CNTLN: variants seen among roughly 807,000 people sequenced by gnomAD.
CNTLN encodes the protein centlein.
CNTLN carries 212 observed loss-of-function variants against 180.0 expected under a neutral mutation model. The ratio of observed to expected loss-of-function variants is 1.18; its 90% CI spans 1.05 to 1.32. The LOEUF is 1.32. CNTLN is among the 40% of genes most tolerant of loss of function. The pLI is 0.00. For synonymous variants in CNTLN, 722 were observed against 563.1 expected (o/e 1.28, Z -3.99); for missense variants, 2,095 against 1,610.9 (o/e 1.30, Z -5.14).
chr9:17,443,237 C>A (rs1025315439), intron 18 of CNTLN, among the ~76,000 whole-genome samples: 2 of 152,112 alleles, frequency 1.3e-5, no homozygotes, highest in African/African-American at 4.8e-5. Flanking sequence ...TCATTAGTTC[C>A]CATGCATTAT....
intron 5 of CNTLN, among the ~76,000 whole-genome samples, chr9:17,263,407 G>A (rs568787792): frequency 6.6e-6 from 1 of 151,154 alleles, no homozygotes; most frequent in East Asian, 1.9e-4. Context: ...ATTCCATGGT[G>A]TATATGTGCC....
At chr9:17,140,332 GC>G (rs1373218992) in intron 1 of CNTLN, among the ~76,000 whole-genome samples, 1 of 152,106 alleles carries the variant, frequency 6.6e-6, no homozygotes, top group African/African-American at 2.4e-5. Context: ...TTACTGTACA[GC>G]ATGGTGTTAT....
At chr9:17,258,261 C>G (rs998755865) in intron 5 of CNTLN, among the ~76,000 whole-genome samples, 1 of 146,152 alleles carries the variant, frequency 6.8e-6, no homozygotes, top group Non-Finnish European at 1.5e-5. Flanking sequence ...TTGTTTTTCT[C>G]AGGTTTGTCA....
At position 17,143,356 on chromosome 9, in the gene CNTLN, G is replaced by C; in HGVS notation, c.429G>C (p.Val143=). 1 of 1,613,364 alleles carries C rather than the reference G, an allele frequency of 6.2e-7. No individual in the cohort carries two copies. The highest frequency in any genetic ancestry group is 8.5e-7 in the Non-Finnish European group (1 of 1,179,578). Residue 143 remains valine (V), a synonymous_variant, in exon 2 of 26, where the codon GTG becomes GTC. Coordinates refer to ENST00000380647, the MANE Select transcript of CNTLN (RefSeq NM_017738.4). The part of the protein sequence containing the change: ...LQVTNPDLTQ[V]VSLVVEREKQ... ...TTACAAACCCAGATCTCACACAAGT[G>C]GTCAGTTTGGTTGTGGAAAGGTGAG...
intron 2 of CNTLN, among the ~76,000 whole-genome samples, chr9:17,154,476 A>G (rs1358258767): frequency 6.6e-6 from 1 of 152,208 alleles, no homozygotes; most frequent in African/African-American, 2.4e-5. Flanking sequence ...GAGGCTGCAG[A>G]GCAGCAAAGA....
At position 17,235,753 on chromosome 9, in the gene CNTLN, C is replaced by T. The variant is rs763146549; in HGVS notation, c.630C>T (p.Asp210=). ...ENAFLRKEFS[D]LEKKFKDKSQ... is the part of the protein sequence containing the mutation. ...CTTTCTTAAGGAAAGAATTCAGTGA[C>T]TTGGAGAAGAAATTTAAAGATAAAA... is the stretch of plus-strand genomic sequence containing the variant. Residue 210 remains aspartate, a synonymous_variant, in exon 4 of 26, where the codon GAC becomes GAT. Transcript: ENST00000380647. The T allele has an allele frequency of 1.9e-6, 3 of 1,602,676 alleles. No homozygotes were observed. The highest frequency in any genetic ancestry group is 2.7e-5 in the African/African-American group (2 of 73,906).
At chr9:17,445,685 G>A (rs969095540) in intron 18 of CNTLN, among the ~76,000 whole-genome samples, 9 of 152,174 alleles carry the variant, frequency 5.9e-5, no homozygotes, top group African/African-American at 1.9e-4. Context: ...GCCTAGGAAA[G>A]CCAGGTATTG....
chr9:17,495,426 T>C (rs1035431540), intron 25 of CNTLN, among the ~76,000 whole-genome samples: 3 of 152,104 alleles, frequency 2.0e-5, no homozygotes, highest in Admixed American at 2.0e-4. Context: ...GGGTAATGTG[T>C]GTGTTTGTGT....
intron 2 of CNTLN, among the ~76,000 whole-genome samples, chr9:17,176,317 C>A (rs1230359586): frequency 6.6e-6 from 1 of 151,696 alleles, no homozygotes; most frequent in Non-Finnish European, 1.5e-5. Flanking sequence ...GCATTTGATT[C>A]CATGAAATGC....
intron 8 of CNTLN, among the ~76,000 whole-genome samples, chr9:17,326,454 G>T (rs1429073955): frequency 6.6e-6 from 1 of 151,760 alleles, no homozygotes; most frequent in African/African-American, 2.4e-5. Flanking sequence ...CCCTTAAAAA[G>T]GTTAAAGATA....
intron 5 of CNTLN, among the ~76,000 whole-genome samples, chr9:17,246,587 A>G (rs1825807154): frequency 1.3e-5 from 2 of 152,140 alleles, no homozygotes; most frequent in Admixed American, 1.3e-4. Context: ...GGACTCCACA[A>G]TCAGCAATTC....
chr9:17,496,216 A>G (rs547342537), intron 25 of CNTLN, among the ~76,000 whole-genome samples: 37 of 152,296 alleles, frequency 2.4e-4, no homozygotes, highest in African/African-American at 8.2e-4. Context: ...ATCCTTCCCC[A>G]TCCCTTTATT....
rs185699052 is a variant in CNTLN at position 17,272,642 on chromosome 9, C to G, written c.850-1091C>G. Among the ~76,000 whole-genome samples the G allele has an allele frequency of 2.1e-3, 319 of 152,226 alleles. 1 individual carries two copies. The highest frequency in any genetic ancestry group is 7.3e-3 in the African/African-American group (302 of 41,548). ...TGAGATGAGCAGCTTTACCCAGATCCTATCTGTGGTGTGTTAAAAAATTTC... is the reference window on the plus strand; with the variant it reads ...TGAGATGAGCAGCTTTACCCAGATCGTATCTGTGGTGTGTTAAAAAATTTC... On this transcript the variant is annotated intron_variant, in intron 5 of 25. Coordinates refer to ENST00000380647, the MANE Select transcript of CNTLN (RefSeq NM_017738.4).
intron 12 of CNTLN, among the ~76,000 whole-genome samples, chr9:17,365,173 T>A (rs1823710082): frequency 6.6e-6 from 1 of 152,176 alleles, no homozygotes; most frequent in Admixed American, 6.5e-5. Context: ...GACTTGATCA[T>A]GTGGGCGGAC....
At chr9:17,449,479 A>G (rs1337547268) in intron 18 of CNTLN, among the ~76,000 whole-genome samples, 3 of 152,048 alleles carry the variant, frequency 2.0e-5, no homozygotes, top group Non-Finnish European at 2.9e-5. Context: ...CATGTACCCT[A>G]AAACTTAAAG....
At chr9:17,471,281 G>C (rs1004262764) in intron 23 of CNTLN, among the ~76,000 whole-genome samples, 1 of 151,896 alleles carries the variant, frequency 6.6e-6, no homozygotes, top group Non-Finnish European at 1.5e-5. Context: ...AATCCATAAT[G>C]ATTCGATGAA....
chr9:17,313,611 A>G (rs1055755768), intron 8 of CNTLN, among the ~76,000 whole-genome samples: 90 of 152,218 alleles, frequency 5.9e-4, no homozygotes, highest in African/African-American at 2.0e-3. Context: ...GATTTTCATT[A>G]TAGTAATCCA....
At chr9:17,500,284 C>T (rs940257234) in intron 25 of CNTLN, among the ~76,000 whole-genome samples, 7 of 152,278 alleles carry the variant, frequency 4.6e-5, no homozygotes, top group South Asian at 2.1e-4. Flanking sequence ...ATGGACTTCC[C>T]ATTCCACATT....
chr9:17,463,011 A>T lies in CNTLN; in HGVS notation c.3402A>T (p.Glu1134Asp). 1 of 1,562,758 alleles carries T rather than the reference A, an allele frequency of 6.4e-7. No homozygotes were observed. Among genetic ancestry groups the T allele is most frequent in the Non-Finnish European group, 8.7e-7 (1 of 1,152,602 alleles). ...AKEEHIKEMH[E>D]KISRMERDIT... ...AAGAACACATAAAGGAAATGCATGA[A>T]AAGTATGGTTTTTGTATTTCTATCC... is the stretch of plus-strand genomic sequence containing the variant. Residue 1134 changes from glutamate to aspartate, a missense_variant and splice_region_variant, in exon 20 of 26, where the codon GAA (glutamate) becomes GAT (aspartate). Transcript: ENST00000380647.
Sources: allele counts gnomAD v4.1 joint callset (sites outside exome capture counted in the v4.1 genomes callset), GRCh38; gene constraint gnomAD v4.1.1; transcripts MANE v1.5; gene names NCBI Gene and HGNC (gene_info 2026-07-23, HGNC 2026-07-21).